Variants in ZNF529 observed in about 807,000 individuals in gnomAD.
The protein encoded by ZNF529 is zinc finger protein 529.
In ZNF529, 11 loss-of-function variants were observed where a neutral mutation model predicts 10.1. The ratio of observed to expected loss-of-function variants is 1.09; its 90% confidence interval spans 0.69 to 1.81. The LOEUF (loss-of-function observed/expected upper bound fraction) is 1.81. Ranked by LOEUF, ZNF529 falls within the 40% of genes most tolerant of loss-of-function variation. The pLI is 0.00. For missense variants in ZNF529, 624 were observed against 666.8 expected, an observed-to-expected ratio of 0.94 and a Z score of 0.71; for synonymous variants, 204 against 215.7, an observed-to-expected ratio of 0.95 and a Z score of 0.47.
chr19:36,551,457 G>A (rs956672766), intron 4 of ZNF529, among the ~76,000 whole-genome samples: 1 of 152,048 alleles, frequency 6.6e-6, no homozygotes, highest in African/African-American at 2.4e-5. Flanking sequence ...ATCAGACTCT[G>A]GTGGGCTAAT....
intron 1 of ZNF529, among the ~76,000 whole-genome samples, chr19:36,601,494 G>A (rs1218947428): frequency 6.6e-6 from 1 of 152,052 alleles, no homozygotes; most frequent in Non-Finnish European, 1.5e-5. Context: ...CCAGGCTGTA[G>A]TGAGCTATGA....
intron 2 of ZNF529, among the ~76,000 whole-genome samples, chr19:36,568,513 C>G (rs1211781907): frequency 6.7e-6 from 1 of 148,510 alleles, no homozygotes; most frequent in Non-Finnish European, 1.5e-5. Context: ...ACTTTGTCAT[C>G]TAGGCTGGAG....
chr19:36,562,777 C>T (rs564274794), intron 2 of ZNF529, among the ~76,000 whole-genome samples: 22 of 147,894 alleles, frequency 1.5e-4, no homozygotes, highest in African/African-American at 5.5e-4. Context: ...GCGGAGCTTG[C>T]AGTGAGCTGA....
chr19:36,565,626 A>T (rs1206933798), intron 2 of ZNF529, among the ~76,000 whole-genome samples: 3 of 152,098 alleles, frequency 2.0e-5, no homozygotes, highest in Admixed American at 6.6e-5. Flanking sequence ...GCTTGACCCC[A>T]GAGGCGGAGG....
intron 4 of ZNF529, among the ~76,000 whole-genome samples, chr19:36,552,516 C>G (rs892529372): frequency 6.6e-6 from 1 of 152,176 alleles, no homozygotes; most frequent in African/African-American, 2.4e-5. Context: ...CCAACAGAAT[C>G]ACAGGGGCTA....
intron 1 of ZNF529, among the ~76,000 whole-genome samples, chr19:36,602,536 C>T (rs1471885897): frequency 6.6e-6 from 1 of 152,064 alleles, no homozygotes; most frequent in Non-Finnish European, 1.5e-5. Flanking sequence ...CTGGATTTGG[C>T]CCACAGGGCC....
At chr19:36,576,147 T>A (rs2036311698), upstream of ZNF529, among the ~76,000 whole-genome samples, 1 of 151,926 alleles carries the variant, frequency 6.6e-6, no homozygotes, top group Admixed American at 6.6e-5. Context: ...GCACCCGGCC[T>A]CACGTGACTT....
intron 2 of ZNF529, among the ~76,000 whole-genome samples, chr19:36,566,135 C>A (rs779062615): frequency 3.3e-5 from 5 of 152,122 alleles, no homozygotes; most frequent in Non-Finnish European, 7.3e-5. Context: ...AGCCAGCTTT[C>A]ATTAATTTTA....
In ZNF529 at chr19:36,544,415, C is replaced by T. The variant is rs1479931733; in HGVS notation, c.*2451G>A. On this transcript the variant is annotated 3_prime_UTR_variant, in exon 5 of 5. Coordinates refer to ENST00000591340, the MANE Select transcript of ZNF529 (RefSeq NM_020951.5). ...TTGTTTCTCTCACTAATTTTAATGT[C>T]TGTATACAAGGTTTAGATATTTAGT... is the stretch of plus-strand genomic sequence containing the variant. 6.6e-6 allele frequency: 1 copy of T among 152,042 alleles called. No individual in the cohort carries two copies. Among genetic ancestry groups the T allele is most frequent in the African/African-American group, 2.4e-5 (1 of 41,408 alleles). The allele number at this position is 152,042 out of a possible 1,614,324, so 9.4% of individuals were successfully genotyped here. A position where few individuals can be genotyped will look rare whatever the true frequency, so the allele number is the denominator to read the frequency against.
intron 1 of ZNF529, among the ~76,000 whole-genome samples, 170 bp from the exon 2 acceptor site, chr19:36,572,562 T>A (rs1361674813): frequency 6.6e-6 from 1 of 152,148 alleles, no homozygotes; most frequent in Admixed American, 6.5e-5. Flanking sequence ...GTACGACCAA[T>A]GCCTAGCAGT....
intron 2 of ZNF529, among the ~76,000 whole-genome samples, chr19:36,561,446 G>C (rs535815807): frequency 6.6e-6 from 1 of 150,536 alleles, no homozygotes; most frequent in Non-Finnish European, 1.5e-5. Flanking sequence ...GCAGTGGTGC[G>C]ATCTTGGCTC....
chr19:36,578,287 A>ATC (rs1291019564), upstream of ZNF529, among the ~76,000 whole-genome samples: 11 of 68,264 alleles, frequency 1.6e-4, no homozygotes, highest in East Asian at 8.6e-4. Context: ...GATGGTCTTG[A>ATC]TCTCTTTTTT....
In ZNF529 at chr19:36,546,982, G is replaced by A. The variant is rs766699853; in HGVS notation, c.1576C>T (p.Arg526Cys). ...RHSSSFTKHQ[R>C]IHTDDKPYEC... is the part of the protein sequence containing the mutation. ...TAGGGTTTATCATCAGTATGAATGC[G>A]CTGATGTTTGGTAAAGGATGAACTA... The change falls in exon 5 of 5, where the codon CGC becomes TGC. Residue 526 changes from arginine to cysteine, a missense_variant. Arg to Cys is a radical substitution (Grantham distance 180, BLOSUM62 -3). Coordinates refer to ENST00000591340, the MANE Select transcript of ZNF529 (RefSeq NM_020951.5). 6.2e-6 allele frequency: 10 copies of A among 1,612,800 alleles called. No individual in the cohort carries two copies. Among genetic ancestry groups the A allele is most frequent in the African/African-American group, 4.0e-5 (3 of 74,532 alleles).
Position 36,544,194 on chromosome 19 carries a change from C to T in ZNF529, c.*2672G>A, listed in dbSNP as rs1366529356. On this transcript the variant is annotated 3_prime_UTR_variant, in exon 5 of 5. Transcript: ENST00000591340. Reference sequence around the variant, plus strand: ...TAGTAAAAACCAAACAGTAATACCACCAATAATAATTATATTATGGTTTCG... The same window carrying T: ...TAGTAAAAACCAAACAGTAATACCATCAATAATAATTATATTATGGTTTCG... The T allele has an allele frequency of 1.3e-5, 2 of 151,976 alleles. No individual in the cohort carries two copies. Among genetic ancestry groups the T allele is most frequent in the African/African-American group, 2.4e-5 (1 of 41,380 alleles). The allele number at this position is 151,976 out of a possible 1,614,324, so 9.4% of individuals were successfully genotyped here.
intron 1 of ZNF529, among the ~76,000 whole-genome samples, chr19:36,594,877 C>T (rs1329029889): frequency 1.4e-5 from 2 of 140,442 alleles, no homozygotes; most frequent in Non-Finnish European, 3.1e-5. Context: ...TTTCTTTTTT[C>T]TTTTTTCTTT....
Position 36,602,666 on chromosome 19 carries a change from C to G in ZNF529, c.-128+2460G>C, listed in dbSNP as rs537779581. Among the ~76,000 whole-genome samples, 4 of 152,164 alleles carry G rather than the reference C, an allele frequency of 2.6e-5. No individual in the cohort carries two copies. In the South Asian group the frequency reaches 6.2e-4, roughly 24 times the overall value. ...ACACCTGGCCGGGCACGGTGGCTCA[C>G]GCCTGTAATCCCAGCACTTTGTGAG... On this transcript the variant is annotated intron_variant, in intron 1 of 4. Coordinates refer to the ZNF529 transcript ENST00000585960.
At chr19:36,599,515 T>C (rs1006519648) in intron 1 of ZNF529, among the ~76,000 whole-genome samples, 5 of 152,158 alleles carry the variant, frequency 3.3e-5, no homozygotes, top group Admixed American at 2.6e-4. Flanking sequence ...GACTAATTCA[T>C]GTGAATCTTT....
At chr19:36,586,989 G>T (rs1373286575) in intron 2 of ZNF529, among the ~76,000 whole-genome samples, 1 of 152,348 alleles carries the variant, frequency 6.6e-6, no homozygotes, top group East Asian at 1.9e-4. Flanking sequence ...GAGTGGCTGG[G>T]CGTGGTGGCT....
At chr19:36,583,253 C>T (rs992177870) in intron 2 of ZNF529, among the ~76,000 whole-genome samples, 1 of 152,098 alleles carries the variant, frequency 6.6e-6, no homozygotes, top group African/African-American at 2.4e-5. Context: ...GACAGGGTCT[C>T]ACTTTGTTGT....
Sources: gnomAD v4.1 joint callset for allele counts (sites outside exome capture counted in the v4.1 genomes callset) on GRCh38, gnomAD v4.1.1 for gene constraint, MANE v1.5 for transcripts, NCBI Gene and HGNC (gene_info 2026-07-23, HGNC 2026-07-21) for gene names.